Variants in MCC observed in about 807,000 individuals in gnomAD.
The protein encoded by MCC is colorectal mutant cancer protein.
In MCC, 90 loss-of-function variants were observed where a neutral mutation model predicts 116.2. That is an observed-to-expected ratio of 0.77 (90% CI 0.65 to 0.92). MCC has a LOEUF of 0.92. Ranked by LOEUF, MCC falls within the 40% of genes least tolerant of loss-of-function variation. The probability of loss-of-function intolerance (pLI) is 0.00; values close to 1 mark genes in which losing one functional copy is unlikely to be tolerated. For missense variants in MCC, 1,516 were observed against 1,312.2 expected (o/e 1.16, Z -2.40); for synonymous variants, 578 against 510.5 (o/e 1.13, Z -1.78).
At chr5:113,102,092 C>A in intron 7 of MCC, 147 bp from the exon 8 acceptor site, 4 of 744,572 alleles carry the variant, frequency 5.4e-6, no homozygotes, top group Non-Finnish European at 8.8e-6. Context: ...ACTACAGACA[C>A]CCCAAAGTTA....
intron 14 of MCC, among the ~76,000 whole-genome samples, chr5:113,063,704 A>T (rs572371898): frequency 3.9e-4 from 59 of 152,360 alleles, no homozygotes; most frequent in African/African-American, 1.4e-3. Flanking sequence ...AATGGATCTG[A>T]CAGAAAGGTA....
chr5:113,148,924 C>T (rs1454202787), intron 4 of MCC, among the ~76,000 whole-genome samples: 2 of 151,670 alleles, frequency 1.3e-5, no homozygotes, highest in Non-Finnish European at 2.9e-5. Flanking sequence ...ATGGCTTGAC[C>T]ACAGGTAAGT....
At chr5:113,358,499 G>T (rs896748174) in intron 2 of MCC, among the ~76,000 whole-genome samples, 1 of 152,184 alleles carries the variant, frequency 6.6e-6, no homozygotes, top group East Asian at 1.9e-4. Context: ...AATGCAGAGT[G>T]TTTAGGGGAT....
rs112942192 is a variant in MCC, at chr5:113,175,667, T to A, written c.628-24245A>T. Reference sequence around the variant, plus strand: ...TATCTAGGAGGTCGTATGAAATTTGTATTAGATTGTAAATATTGTTTTGGT... The same window carrying A: ...TATCTAGGAGGTCGTATGAAATTTGAATTAGATTGTAAATATTGTTTTGGT... On this transcript the variant is annotated intron_variant, in intron 3 of 18. Transcript: ENST00000408903. 7.4e-3 allele frequency among the ~76,000 whole-genome samples: 1,129 copies of A among 152,308 alleles called. 22 individuals are homozygous for A. Among genetic ancestry groups the A allele is most frequent in the African/African-American group, 0.026 (1,061 of 41,548 alleles).
At chr5:113,299,286 C>A (rs1766791084) in intron 3 of MCC, among the ~76,000 whole-genome samples, 1 of 85,304 alleles carries the variant, frequency 1.2e-5, no homozygotes, top group Admixed American at 1.7e-4. Context: ...GAGTGAGACT[C>A]CGTCTCAAAA....
intron 3 of MCC, among the ~76,000 whole-genome samples, chr5:113,176,991 C>T (rs1189525887): frequency 6.6e-6 from 1 of 152,208 alleles, no homozygotes; most frequent in Non-Finnish European, 1.5e-5. Flanking sequence ...TGTCTGATGA[C>T]ATCATTTCTC....
At chr5:113,435,193 T>C (rs776762286) in intron 1 of MCC, 6 of 244,056 alleles carry the variant, frequency 2.5e-5, no homozygotes, top group Admixed American at 9.8e-5. Context: ...GTGGGACACA[T>C]GGGCCTGCCC....
chr5:113,443,627 TG>T (rs1182818272), intron 1 of MCC, among the ~76,000 whole-genome samples: 1 of 152,160 alleles, frequency 6.6e-6, no homozygotes, highest in Non-Finnish European at 1.5e-5. Context: ...ATATTGGCTG[TG>T]GGTTTGTCAT....
intron 3 of MCC, among the ~76,000 whole-genome samples, chr5:113,180,049 G>T (rs1230619498): frequency 1.3e-5 from 2 of 152,124 alleles, no homozygotes; most frequent in Non-Finnish European, 2.9e-5. Flanking sequence ...GTACAAAGAG[G>T]ATTTCCATGG....
chr5:113,221,148 G>A (rs1026137255), intron 3 of MCC, among the ~76,000 whole-genome samples: 1 of 152,238 alleles, frequency 6.6e-6, no homozygotes, highest in Non-Finnish European at 1.5e-5. Flanking sequence ...AGGCTGCAGT[G>A]AGCCGTGATC....
At chr5:113,144,451 G>A (rs1364263713) in intron 4 of MCC, among the ~76,000 whole-genome samples, 1 of 152,200 alleles carries the variant, frequency 6.6e-6, no homozygotes, top group Non-Finnish European at 1.5e-5. Flanking sequence ...AGTGCCAAGA[G>A]CCATATGTGC....
chr5:113,056,603 G>A (rs940452766), intron 14 of MCC, among the ~76,000 whole-genome samples: 2 of 152,010 alleles, frequency 1.3e-5, no homozygotes, highest in African/African-American at 2.4e-5. Context: ...GGAGAGGATC[G>A]GAAAAAATGA....
intron 15 of MCC, among the ~76,000 whole-genome samples, chr5:113,050,916 G>A (rs1752439929): frequency 1.3e-5 from 2 of 152,222 alleles, no homozygotes; most frequent in South Asian, 2.1e-4. Flanking sequence ...AGACCCCTAC[G>A]GGAGCAGGAT....
At position 113,085,240 on chromosome 5, in the gene MCC, G is replaced by A. The variant is rs763225841; in HGVS notation, c.1469C>T (p.Ser490Phe). The stretch of plus-strand genomic sequence containing the variant: ...GCTGGGGTTAATCGGGCGGTTGGTG[G>A]AAGTGAGGCGGCCAGGGCTGGAGGG... ...TGPSSPGRLT[S>F]TNRPINPSTG... Residue 490 changes from serine to phenylalanine, a missense_variant, in exon 9 of 19, where the codon TCC (serine) becomes TTC (phenylalanine). Ser to Phe is a radical substitution (Grantham distance 155, BLOSUM62 -2). Transcript: ENST00000408903. The A allele has an allele frequency of 4.8e-5, 77 of 1,614,166 alleles. No individual in the cohort carries two copies. In the East Asian group the frequency reaches 1.7e-3, roughly 36 times the overall value.
chr5:113,268,635 T>C (rs1429393528), intron 3 of MCC, among the ~76,000 whole-genome samples: 12 of 152,176 alleles, frequency 7.9e-5, no homozygotes, highest in Admixed American at 7.9e-4. Flanking sequence ...CGTCTCTCAA[T>C]TTAGTGACCA....
intron 1 of MCC, among the ~76,000 whole-genome samples, chr5:113,404,413 A>C (rs1254324546): frequency 6.6e-6 from 1 of 152,250 alleles, no homozygotes; most frequent in East Asian, 1.9e-4. Flanking sequence ...GGTCACAGAC[A>C]GAAAGTCACC....
chr5:113,456,623 A>ATTTTTTTTTTTTTTTTTTTTTT (rs34111159), intron 1 of MCC, among the ~76,000 whole-genome samples: 3 of 51,074 alleles, frequency 5.9e-5, no homozygotes, highest in South Asian at 1.2e-3. Flanking sequence ...TGCCCAGCTA[A>ATTTTTTTTTTTTTTTTTTTTTT]TTTTTTTTTT....
At chr5:113,054,650 C>T (rs1752695191) in intron 14 of MCC, among the ~76,000 whole-genome samples, 2 of 152,216 alleles carry the variant, frequency 1.3e-5, no homozygotes. Flanking sequence ...ACAGCAATAA[C>T]CACTTTGGGA....
At chr5:113,314,644 A>G (rs1020905072) in intron 3 of MCC, among the ~76,000 whole-genome samples, 10 of 152,010 alleles carry the variant, frequency 6.6e-5, no homozygotes, top group African/African-American at 2.4e-4. Flanking sequence ...CTGGAGTGCA[A>G]TGGCGTGATC....
Sources: gnomAD v4.1 joint callset for allele counts (sites outside exome capture counted in the v4.1 genomes callset) on GRCh38, gnomAD v4.1.1 for gene constraint, MANE v1.5 for transcripts, NCBI Gene and HGNC (gene_info 2026-07-23, HGNC 2026-07-21) for gene names.